TXNRD2: variants seen among roughly 807,000 people sequenced by gnomAD.
TXNRD2 encodes thioredoxin reductase 2, mitochondrial.
TXNRD2 carries 67 observed loss-of-function variants against 70.8 expected under a neutral mutation model. The observed-to-expected ratio is 0.95, with a 90% confidence interval of 0.78 to 1.16. TXNRD2 has a LOEUF of 1.16. TXNRD2 is among the 50% of genes most tolerant of loss of function. The pLI, the probability that TXNRD2 is intolerant of heterozygous loss-of-function variation, is 0.00. For missense variants in TXNRD2, 644 were observed against 719.9 expected, an observed-to-expected ratio of 0.89 and a Z score of 1.21; for synonymous variants, 301 against 295.8, an observed-to-expected ratio of 1.02 and a Z score of -0.18.
rs753306267 is a variant in TXNRD2 at position 19,877,242 on chromosome 22, TGGG to T, written c.1446-11_1446-9del. 1.2e-6 allele frequency: 2 copies of T among 1,601,522 alleles called. No individual in the cohort carries two copies. Among genetic ancestry groups the T allele is most frequent in the Non-Finnish European group, 1.7e-6 (2 of 1,171,996 alleles). On this transcript the variant is annotated splice_polypyrimidine_tract_variant and intron_variant, in intron 16 of 17. Coordinates refer to ENST00000400521, the MANE Select transcript of TXNRD2 (RefSeq NM_006440.5). ...GCATAGGAAGCCCCACACCTGCACA[TGGG>T]GGATGGGGGAGGCAGGCGGGGTCAG... is the stretch of plus-strand genomic sequence containing the variant.
chr22:19,927,492 C>A (rs78332651), intron 2 of TXNRD2, among the ~76,000 whole-genome samples: 1 of 147,448 alleles, frequency 6.8e-6, no homozygotes, highest in South Asian at 2.2e-4. Flanking sequence ...ACCTTCTCCA[C>A]CAAAAAAATA....
At chr22:19,889,084 A>C (rs1485026425) in intron 11 of TXNRD2, among the ~76,000 whole-genome samples, 1 of 152,000 alleles carries the variant, frequency 6.6e-6, no homozygotes, top group Non-Finnish European at 1.5e-5. Context: ...GCCAGCAGCC[A>C]CCAGGGACCC....
chr22:19,880,284 C>G lies in TXNRD2; in HGVS notation c.1183-13G>C. 6.2e-7 allele frequency: 1 copy of G among 1,613,144 alleles called. No homozygotes were observed. Among genetic ancestry groups the G allele is most frequent in the Non-Finnish European group, 8.5e-7 (1 of 1,179,876 alleles). On this transcript the variant is annotated splice_polypyrimidine_tract_variant and intron_variant, in intron 13 of 17. Transcript: ENST00000400521. ...CGGTCGTGGGAACCTGAAAGCAGGT[C>G]TGGAGTCAGGGAGGGCCCTTGGGCC...
chr22:19,933,741 C>A (rs1365375928), intron 1 of TXNRD2, among the ~76,000 whole-genome samples: 1 of 152,172 alleles, frequency 6.6e-6, no homozygotes, highest in Non-Finnish European at 1.5e-5. Context: ...GTGGGTAGGG[C>A]AGATGCTGTT....
At chr22:19,939,216 A>C (rs1435182835) in intron 1 of TXNRD2, among the ~76,000 whole-genome samples, 1 of 151,894 alleles carries the variant, frequency 6.6e-6, no homozygotes, top group East Asian at 1.9e-4. Flanking sequence ...ATCTGTACCG[A>C]CTCCTCAGAA....
chr22:19,925,881 G>A (rs1941119346), intron 2 of TXNRD2, among the ~76,000 whole-genome samples: 4 of 152,104 alleles, frequency 2.6e-5, no homozygotes, highest in Admixed American at 2.6e-4. Flanking sequence ...TCAAGAAAGT[G>A]CAGGGCCGGG....
At position 19,941,731 on chromosome 22, in the gene TXNRD2, C is replaced by A. The variant is rs1201445911; in HGVS notation, c.73G>T (p.Gly25Trp). ...GCGCCCCGCGCCGCGCCCCGCACCC[C>A]GCCCGCCACGGCCTGCGTCCGCCAC... ...FRWRTQAVAG[G>W]VRGAARGAAA... Residue 25 changes from glycine to tryptophan, a missense_variant, in exon 1 of 18, where the codon GGG becomes TGG. By Grantham distance (184) the Gly-to-Trp change is radical. Transcript: ENST00000400521. 13 of 1,489,784 alleles carry A rather than the reference C, an allele frequency of 8.7e-6. No homozygotes were observed. The highest frequency in any genetic ancestry group is 1.1e-5 in the Non-Finnish European group (12 of 1,127,332). 92.3% of individuals were successfully genotyped at this position (1,489,784 alleles called of 1,614,324 possible).
At chr22:19,915,711 C>G in intron 6 of TXNRD2, 54 bp downstream of exon 6, 1 of 1,533,070 alleles carries the variant, frequency 6.5e-7, no homozygotes, top group East Asian at 2.2e-5. Flanking sequence ...CAGTTGGTGC[C>G]CAAGGTCTGC....
At chr22:19,923,485 C>G (rs909852687) in intron 2 of TXNRD2, among the ~76,000 whole-genome samples, 1 of 152,134 alleles carries the variant, frequency 6.6e-6, no homozygotes, top group Admixed American at 6.5e-5. Context: ...AAACATCTGA[C>G]TTATAGAAGT....
At chr22:19,908,189 G>T (rs867887627) in intron 8 of TXNRD2, among the ~76,000 whole-genome samples, 1 of 151,564 alleles carries the variant, frequency 6.6e-6, no homozygotes, top group South Asian at 2.1e-4. Flanking sequence ...ACTGCTCTCA[G>T]GAGAGTGTGG....
chr22:19,917,460 C>A (rs756087743), intron 5 of TXNRD2, among the ~76,000 whole-genome samples: 1 of 152,160 alleles, frequency 6.6e-6, no homozygotes, highest in African/African-American at 2.4e-5. Context: ...CCCAGGAAGA[C>A]CCGCCCTGGG....
chr22:19,876,970 C>T, intron 17 of TXNRD2, 70 bp downstream of exon 17: 2 of 1,151,616 alleles, frequency 1.7e-6, no homozygotes, highest in South Asian at 1.9e-5. Context: ...CTGGAGGGAG[C>T]CCATGGCCAG....
intron 7 of TXNRD2, among the ~76,000 whole-genome samples, chr22:19,913,127 A>C (rs1601444140): frequency 2.7e-5 from 4 of 145,528 alleles, no homozygotes; most frequent in South Asian, 2.3e-4. Flanking sequence ...CCAACCCCTC[A>C]CCCCGGGGCC....
intron 8 of TXNRD2, among the ~76,000 whole-genome samples, chr22:19,899,759 A>G (rs769490954): frequency 6.6e-6 from 1 of 152,242 alleles, no homozygotes; most frequent in Non-Finnish European, 1.5e-5. Flanking sequence ...CTGCATGCAC[A>G]TACTCTTACA....
chr22:19,900,013 G>T (rs1223438667), intron 8 of TXNRD2, among the ~76,000 whole-genome samples: 1 of 152,234 alleles, frequency 6.6e-6, no homozygotes, highest in Non-Finnish European at 1.5e-5. Flanking sequence ...AATCCCAGCA[G>T]GTACTAATGA....
chr22:19,910,577 T>C (rs780934452), intron 8 of TXNRD2, among the ~76,000 whole-genome samples: 8 of 152,178 alleles, frequency 5.3e-5, no homozygotes, highest in Non-Finnish European at 7.4e-5. Flanking sequence ...CAGGACAGAG[T>C]AAATCAACAG....
chr22:19,911,459 G>T lies in TXNRD2; in HGVS notation c.592-12C>A. 6.2e-7 allele frequency: 1 copy of T among 1,610,586 alleles called. No individual in the cohort carries two copies. The highest frequency in any genetic ancestry group is 8.5e-7 in the Non-Finnish European group (1 of 1,176,938). On this transcript the variant is annotated splice_polypyrimidine_tract_variant and intron_variant, in intron 7 of 17. Coordinates refer to ENST00000400521, the MANE Select transcript of TXNRD2 (RefSeq NM_006440.5). ...AAGGCACCTTCGATCTGTCAAGACA[G>T]AAATGACCCCTTGGACAAGAGCTCC...
intron 9 of TXNRD2, among the ~76,000 whole-genome samples, chr22:19,898,358 T>C (rs958669000): frequency 1.2e-4 from 19 of 152,274 alleles, no homozygotes; most frequent in African/African-American, 4.3e-4. Flanking sequence ...TCTGCTCCCA[T>C]GTGCTGTCCA....
intron 2 of TXNRD2, among the ~76,000 whole-genome samples, chr22:19,926,054 T>A (rs1300106650): frequency 6.6e-6 from 1 of 150,606 alleles, no homozygotes; most frequent in Non-Finnish European, 1.5e-5. Context: ...TCCCAGCTAC[T>A]CAGGAGGCTG....
Sources: allele counts gnomAD v4.1 joint callset (sites outside exome capture counted in the v4.1 genomes callset), GRCh38; gene constraint gnomAD v4.1.1; transcripts MANE v1.5; gene names NCBI Gene and HGNC (gene_info 2026-07-23, HGNC 2026-07-21).